Variants in ST8SIA5 observed in about 807,000 individuals in gnomAD.
The protein encoded by ST8SIA5 is alpha-2,8-sialyltransferase 8E.
ST8SIA5 carries 24 observed loss-of-function variants against 40.2 expected under a neutral mutation model. That is an observed-to-expected ratio of 0.60 (90% CI 0.43 to 0.84). ST8SIA5 has a LOEUF of 0.84. Among genes scored for constraint, ST8SIA5 ranks in the 40% least tolerant of loss-of-function variants. The pLI is 0.00. For synonymous variants in ST8SIA5, 198 were observed against 201.8 expected, an observed-to-expected ratio of 0.98 and a Z score of 0.16; for missense variants, 465 against 498.5, an observed-to-expected ratio of 0.93 and a Z score of 0.64.
intron 1 of ST8SIA5, among the ~76,000 whole-genome samples, chr18:46,731,520 A>T (rs1253580594): frequency 6.6e-6 from 1 of 152,166 alleles, no homozygotes; most frequent in Non-Finnish European, 1.5e-5. Context: ...GCCCCTGTGG[A>T]GGGCGAGGAC....
intron 2 of ST8SIA5, among the ~76,000 whole-genome samples, chr18:46,701,554 G>C (rs1421828126): frequency 6.6e-6 from 1 of 152,156 alleles, no homozygotes; most frequent in Admixed American, 6.5e-5. Flanking sequence ...CAGACCCGGG[G>C]CAACCATATA....
At chr18:46,707,399 AC>A (rs1433256870) in intron 1 of ST8SIA5, among the ~76,000 whole-genome samples, 15 of 152,146 alleles carry the variant, frequency 9.9e-5, no homozygotes, top group African/African-American at 3.6e-4. Flanking sequence ...CCTCTTTAAA[AC>A]AATCTGTTTG....
chr18:46,714,884 C>A (rs2039771103), intron 1 of ST8SIA5, among the ~76,000 whole-genome samples: 1 of 152,174 alleles, frequency 6.6e-6, no homozygotes, highest in African/African-American at 2.4e-5. Flanking sequence ...GCCCAGGAGA[C>A]TCCACAGAGA....
chr18:46,719,682 TTTTC>T (rs56825204), intron 1 of ST8SIA5, among the ~76,000 whole-genome samples: 24 of 107,162 alleles, frequency 2.2e-4, no homozygotes, highest in African/African-American at 7.9e-4. Context: ...TTCTTTTCTT[TTTTC>T]TTTCTTTCTT....
chr18:46,745,470 A>G (rs565025882), intron 1 of ST8SIA5, among the ~76,000 whole-genome samples: 39 of 152,374 alleles, frequency 2.6e-4, no homozygotes, highest in African/African-American at 9.1e-4. Flanking sequence ...AACCTAGTAG[A>G]AATGAATAAA....
Position 46,706,374 on chromosome 18 carries a change from C to G in ST8SIA5, c.132-1710G>C, listed in dbSNP as rs571570164. 7.2e-5 allele frequency among the ~76,000 whole-genome samples: 11 copies of G among 152,224 alleles called. No individual in the cohort carries two copies. In the South Asian group the frequency reaches 2.1e-3, roughly 29 times the overall value. ...CAAACTCAAATGGATTCTTCAGTAC[C>G]CGGCTCGAGTAACCACACTGCTGGG... On this transcript the variant is annotated intron_variant, in intron 1 of 6. Coordinates refer to ENST00000315087, the MANE Select transcript of ST8SIA5 (RefSeq NM_013305.6).
chr18:46,673,135 TC>T lies in ST8SIA5; in HGVS notation c.*6906del, dbSNP rs1183883126. On this transcript the variant is annotated 3_prime_UTR_variant, in exon 7 of 7. Coordinates refer to ENST00000315087, the MANE Select transcript of ST8SIA5 (RefSeq NM_013305.6). Reference sequence around the variant, plus strand: ...TTTCATTTTGCAAGATGAGAAGAGTTCCAGAGACAGAATATACAACAGTGTG... The same window carrying T: ...TTTCATTTTGCAAGATGAGAAGAGTTCAGAGACAGAATATACAACAGTGTG... 6.6e-6 allele frequency: 1 copy of T among 152,182 alleles called. No homozygotes were observed. Among genetic ancestry groups the T allele is most frequent in the Non-Finnish European group, 1.5e-5 (1 of 68,038 alleles). 9.4% of individuals were successfully genotyped at this position (152,182 alleles called of 1,614,324 possible). A position where few individuals can be genotyped will look rare whatever the true frequency, so the allele number is the denominator to read the frequency against.
At chr18:46,751,184 G>T (rs1214431281) in intron 1 of ST8SIA5, among the ~76,000 whole-genome samples, 2 of 151,982 alleles carry the variant, frequency 1.3e-5, no homozygotes, top group African/African-American at 4.8e-5. Context: ...CTGTCTTTAT[G>T]AATTTGACAA....
At chr18:46,754,272 A>C (rs1401222542) in intron 1 of ST8SIA5, among the ~76,000 whole-genome samples, 1 of 151,962 alleles carries the variant, frequency 6.6e-6, no homozygotes, top group African/African-American at 2.4e-5. Flanking sequence ...GCTCCTGCCC[A>C]CTTTTTGGAT....
intron 1 of ST8SIA5, among the ~76,000 whole-genome samples, chr18:46,711,149 G>A (rs1854113697): frequency 6.6e-6 from 1 of 152,140 alleles, no homozygotes. Context: ...ATTTTCCCCA[G>A]ATAAATTAAG....
rs774305160 is a variant in ST8SIA5 at position 46,679,756 on chromosome 18, C to T, written c.*286G>A. ...CTTTATTCACTTGCCGTCCCCAGGG[C>T]CCCTGATCTTGGGGTGTGGCCCAGC... On this transcript the variant is annotated 3_prime_UTR_variant, in exon 7 of 7. Transcript: ENST00000315087. The T allele has an allele frequency of 4.3e-6, 2 of 461,376 alleles. No homozygotes were observed. Among genetic ancestry groups the T allele is most frequent in the Non-Finnish European group, 7.8e-6 (2 of 256,244 alleles). 28.6% of individuals were successfully genotyped at this position (461,376 alleles called of 1,614,324 possible).
rs553872749 is a variant in ST8SIA5 at position 46,757,025 on chromosome 18, C to A, written c.-517G>T. 249 of 153,244 alleles carry A rather than the reference C, an allele frequency of 1.6e-3. No homozygotes were observed. The highest frequency in any genetic ancestry group is 5.5e-3 in the African/African-American group (230 of 41,466). The allele number at this position is 153,244 out of a possible 1,614,324, so 9.5% of individuals were successfully genotyped here. A position where few individuals can be genotyped will look rare whatever the true frequency, so the allele number is the denominator to read the frequency against. On this transcript the variant is annotated 5_prime_UTR_variant, in exon 1 of 7. Coordinates refer to ENST00000315087, the MANE Select transcript of ST8SIA5 (RefSeq NM_013305.6). Reference sequence around the variant, plus strand: ...GATCTCCGGGCCCGCAGCAAGGGATCGCGAAGGTTGGCCTCCGGTTCTGCC... The same window carrying A: ...GATCTCCGGGCCCGCAGCAAGGGATAGCGAAGGTTGGCCTCCGGTTCTGCC...
intron 3 of ST8SIA5, 53 bp from the exon 4 acceptor site, chr18:46,688,972 G>A: frequency 6.3e-7 from 1 of 1,576,182 alleles, no homozygotes; most frequent in Admixed American, 1.8e-5. Flanking sequence ...AGATGTGATG[G>A]AGGGCAGAGC....
At chr18:46,716,817 C>T (rs975595942) in intron 1 of ST8SIA5, among the ~76,000 whole-genome samples, 17 of 152,218 alleles carry the variant, frequency 1.1e-4, no homozygotes, top group Admixed American at 3.3e-4. Flanking sequence ...TGGGGGCAGA[C>T]GTATCTACAG....
chr18:46,756,511 T>C lies in ST8SIA5; in HGVS notation c.-3A>G, dbSNP rs1303556556. On this transcript the variant is annotated 5_prime_UTR_variant, in exon 1 of 7. Coordinates refer to ENST00000315087, the MANE Select transcript of ST8SIA5 (RefSeq NM_013305.6). ...GCCGAGGGGTCCGCGTAGCGCATCCTGGCTACCGGGCGCCGCGGGCGCGGG... is the reference window on the plus strand; with the variant it reads ...GCCGAGGGGTCCGCGTAGCGCATCCCGGCTACCGGGCGCCGCGGGCGCGGG... 1.2e-6 allele frequency: 2 copies of C among 1,611,986 alleles called. No homozygotes were observed. The highest frequency in any genetic ancestry group is 1.7e-6 in the Non-Finnish European group (2 of 1,178,738).
At chr18:46,685,098 G>T (rs942548397) in intron 5 of ST8SIA5, among the ~76,000 whole-genome samples, 6 of 152,206 alleles carry the variant, frequency 3.9e-5, no homozygotes, top group Non-Finnish European at 5.9e-5. Flanking sequence ...TGATGGAGCT[G>T]CTATCCTTAT....
At chr18:46,747,729 C>T (rs1208251479) in intron 1 of ST8SIA5, among the ~76,000 whole-genome samples, 1 of 152,058 alleles carries the variant, frequency 6.6e-6, no homozygotes, top group Non-Finnish European at 1.5e-5. Context: ...GGGTATATAC[C>T]CAAAGGATTA....
At chr18:46,723,125 CTA>C (rs1299808104) in intron 1 of ST8SIA5, 1 of 160,288 alleles carries the variant, frequency 6.2e-6, no homozygotes, top group Non-Finnish European at 1.4e-5. Context: ...AGTTTAAAAC[CTA>C]TGTTATCCAG....
intron 1 of ST8SIA5, among the ~76,000 whole-genome samples, chr18:46,737,140 T>C (rs1462719499): frequency 6.6e-6 from 1 of 152,160 alleles, no homozygotes; most frequent in East Asian, 1.9e-4. Flanking sequence ...AAATCTTTGA[T>C]AGCTTCCATC....
Sources: gnomAD v4.1 joint callset for allele counts (sites outside exome capture counted in the v4.1 genomes callset) on GRCh38, gnomAD v4.1.1 for gene constraint, MANE v1.5 for transcripts, NCBI Gene and HGNC (gene_info 2026-07-23, HGNC 2026-07-21) for gene names.